WDR70: variants seen among roughly 807,000 people sequenced by gnomAD.
WDR70 encodes the protein WD repeat-containing protein 70.
A neutral mutation model predicts 88.6 loss-of-function variants in WDR70; 53 were observed. The observed-to-expected ratio is 0.60, with a 90% CI of 0.48 to 0.75. The LOEUF (loss-of-function observed/expected upper bound fraction) is 0.75. Ranked by LOEUF, WDR70 falls within the 30% of genes least tolerant of loss-of-function variation. The pLI, the probability that WDR70 is intolerant of heterozygous loss-of-function variation, is 0.00. For missense variants in WDR70, 610 were observed against 823.2 expected, an observed-to-expected ratio of 0.74 and a Z score of 3.17; for synonymous variants, 280 against 270.0, an observed-to-expected ratio of 1.04 and a Z score of -0.36.
intron 10 of WDR70, among the ~76,000 whole-genome samples, chr5:37,614,228 C>G (rs758573041): frequency 1.3e-5 from 2 of 152,124 alleles, no homozygotes; most frequent in Non-Finnish European, 2.9e-5. Context: ...GCTCCTGGCA[C>G]ACTTCCTTCA....
intron 3 of WDR70, among the ~76,000 whole-genome samples, chr5:37,388,913 G>C (rs1748717743): frequency 6.6e-6 from 1 of 151,872 alleles, no homozygotes. Flanking sequence ...GTAAAAAAGG[G>C]GGAAATGGCA....
At chr5:37,712,082 A>G (rs560331842) in intron 13 of WDR70, among the ~76,000 whole-genome samples, 1 of 141,914 alleles carries the variant, frequency 7.0e-6, no homozygotes, top group East Asian at 2.1e-4. Context: ...AACCTCTGCC[A>G]CCTGGATTCA....
intron 9 of WDR70, among the ~76,000 whole-genome samples, chr5:37,600,908 T>G (rs1439844413): frequency 6.6e-6 from 1 of 152,228 alleles, no homozygotes; most frequent in Non-Finnish European, 1.5e-5. Context: ...GCTCTAACAC[T>G]TTTTTTGTTT....
intron 9 of WDR70, among the ~76,000 whole-genome samples, chr5:37,546,768 A>C (rs1220480004): frequency 6.6e-6 from 1 of 152,028 alleles, no homozygotes; most frequent in Non-Finnish European, 1.5e-5. Flanking sequence ...AAAATACAAA[A>C]ATTAGCCAGG....
chr5:37,675,256 T>C (rs972667849), intron 10 of WDR70, among the ~76,000 whole-genome samples: 2 of 152,174 alleles, frequency 1.3e-5, no homozygotes, highest in Non-Finnish European at 2.9e-5. Context: ...CATTTGTCAA[T>C]TTTTGCTTTT....
At chr5:37,697,348 T>C (rs1747011709) in intron 10 of WDR70, among the ~76,000 whole-genome samples, 1 of 152,226 alleles carries the variant, frequency 6.6e-6, no homozygotes, top group Non-Finnish European at 1.5e-5. Flanking sequence ...TTTATAAGCA[T>C]AATATGAAGA....
intron 5 of WDR70, among the ~76,000 whole-genome samples, chr5:37,412,649 T>G (rs1226552714): frequency 6.6e-6 from 1 of 152,188 alleles, no homozygotes; most frequent in Non-Finnish European, 1.5e-5. Flanking sequence ...ATGAACTCTG[T>G]CTGACTCCCT....
At chr5:37,715,221 A>G (rs1294958919) in intron 13 of WDR70, among the ~76,000 whole-genome samples, 1 of 152,072 alleles carries the variant, frequency 6.6e-6, no homozygotes, top group African/African-American at 2.4e-5. Context: ...TTTCTGCAGC[A>G]GCCCCCACAT....
At chr5:37,673,252 G>T (rs902515177) in intron 10 of WDR70, among the ~76,000 whole-genome samples, 2 of 152,120 alleles carry the variant, frequency 1.3e-5, no homozygotes, top group Admixed American at 6.5e-5. Flanking sequence ...TTAAGCTTTT[G>T]TAGTATTCCA....
intron 8 of WDR70, among the ~76,000 whole-genome samples, chr5:37,493,736 A>G (rs1373600260): frequency 6.6e-6 from 1 of 152,228 alleles, no homozygotes; most frequent in Non-Finnish European, 1.5e-5. Flanking sequence ...GTAAAAACCA[A>G]ACATATTAAG....
chr5:37,554,798 C>G (rs1483591801), intron 9 of WDR70, among the ~76,000 whole-genome samples: 1 of 152,064 alleles, frequency 6.6e-6, no homozygotes. Context: ...CCTCAAACTC[C>G]TGGGCTTACA....
intron 10 of WDR70, among the ~76,000 whole-genome samples, chr5:37,608,273 C>T (rs1235627060): frequency 1.3e-5 from 2 of 152,048 alleles, no homozygotes; most frequent in Non-Finnish European, 2.9e-5. Flanking sequence ...AACTCCTGAC[C>T]TCGTGATCCG....
intron 9 of WDR70, among the ~76,000 whole-genome samples, chr5:37,571,157 G>C (rs534988412): frequency 1.3e-5 from 2 of 152,146 alleles, no homozygotes; most frequent in Admixed American, 6.5e-5. Flanking sequence ...AAAAAGCAGC[G>C]TTTCAAATTG....
At chr5:37,435,975 GGGT>G (rs1376956770) in intron 5 of WDR70, among the ~76,000 whole-genome samples, 1 of 152,018 alleles carries the variant, frequency 6.6e-6, no homozygotes, top group Admixed American at 6.6e-5. Context: ...TTTGATAAGG[GGGT>G]GGTGGTGGGG....
intron 5 of WDR70, among the ~76,000 whole-genome samples, chr5:37,437,515 T>C (rs1444038149): frequency 1.7e-4 from 26 of 152,156 alleles, no homozygotes. Flanking sequence ...TAAGCAGATA[T>C]ATCAACCTTT....
rs1194204801 is a variant in WDR70, at chr5:37,597,257, ACTTTAT to A, written c.918-7806_918-7801del. 5.3e-5 allele frequency among the ~76,000 whole-genome samples: 8 copies of A among 152,282 alleles called. No individual in the cohort carries two copies. The East Asian group carries it at 9.6e-4, about 18-fold the overall frequency. ...TTGTGATATGGGAAGTATATATTTAACTTTATAAGAAACTGTTTTCCACAGTTGCAG... is the reference window on the plus strand; with the variant it reads ...TTGTGATATGGGAAGTATATATTTAAAAGAAACTGTTTTCCACAGTTGCAG... On this transcript the variant is annotated intron_variant, in intron 9 of 17. Coordinates refer to ENST00000265107, the MANE Select transcript of WDR70 (RefSeq NM_018034.4).
chr5:37,517,089 C>A (rs564980380), intron 9 of WDR70, among the ~76,000 whole-genome samples: 1 of 152,174 alleles, frequency 6.6e-6, no homozygotes, highest in African/African-American at 2.4e-5. Flanking sequence ...AAAATAGACA[C>A]TATGAAAACG....
chr5:37,676,901 A>G (rs1383827270), intron 10 of WDR70, among the ~76,000 whole-genome samples: 1 of 152,098 alleles, frequency 6.6e-6, no homozygotes, highest in Non-Finnish European at 1.5e-5. Flanking sequence ...GATTATTGCA[A>G]CAATTTCAGA....
At chr5:37,666,221 G>A (rs890651895) in intron 10 of WDR70, among the ~76,000 whole-genome samples, 2 of 152,204 alleles carry the variant, frequency 1.3e-5, no homozygotes, top group Non-Finnish European at 2.9e-5. Context: ...ATCTGCACTT[G>A]TGTTCACACT....
Sources: gnomAD v4.1 joint callset for allele counts (sites outside exome capture counted in the v4.1 genomes callset) on GRCh38, gnomAD v4.1.1 for gene constraint, MANE v1.5 for transcripts, NCBI Gene and HGNC (gene_info 2026-07-23, HGNC 2026-07-21) for gene names.